Variants in RHOU observed in about 807,000 individuals in gnomAD.
The protein encoded by RHOU is rho-related GTP-binding protein RhoU.
RHOU carries 8 observed loss-of-function variants against 12.6 expected under a neutral mutation model. That is an observed-to-expected ratio of 0.64 (90% confidence interval 0.37 to 1.15). The LOEUF (loss-of-function observed/expected upper bound fraction) is 1.15. RHOU is among the 50% of genes most tolerant of loss of function. The pLI is 0.01. For synonymous variants in RHOU, 161 were observed against 147.4 expected, an observed-to-expected ratio of 1.09 and a Z score of -0.67; for missense variants, 258 against 347.0, an observed-to-expected ratio of 0.74 and a Z score of 2.04.
At chr1:228,690,224 C>T in the RHOU span, among the ~76,000 whole-genome samples, 2 of 151,800 alleles carry the variant, frequency 1.3e-5, no homozygotes, top group Non-Finnish European at 2.9e-5. Context: ...TATTAAAAAG[C>T]TTTAGAGAAG....
the RHOU span, among the ~76,000 whole-genome samples, chr1:228,689,710 T>C: frequency 6.6e-6 from 1 of 151,738 alleles, no homozygotes; most frequent in South Asian, 2.1e-4. Context: ...TATTGTGAAC[T>C]GTGCATGTGA....
chr1:228,659,251 G>T, the RHOU span, among the ~76,000 whole-genome samples: 1 of 152,010 alleles, frequency 6.6e-6, no homozygotes. Flanking sequence ...GGTGGCAGGT[G>T]CCTGTAATCC....
At chr1:228,729,573 G>C in the RHOU span, among the ~76,000 whole-genome samples, 1 of 152,152 alleles carries the variant, frequency 6.6e-6, no homozygotes, top group Non-Finnish European at 1.5e-5. Flanking sequence ...CAAGATGCAA[G>C]AAGACTGCAT....
At chr1:228,672,102 C>A in the RHOU span, among the ~76,000 whole-genome samples, 1 of 152,206 alleles carries the variant, frequency 6.6e-6, no homozygotes, top group South Asian at 2.1e-4. Context: ...GCCAAACATT[C>A]TTCTAGAAAA....
At chr1:228,659,809 C>A in the RHOU span, among the ~76,000 whole-genome samples, 3 of 151,432 alleles carry the variant, frequency 2.0e-5, no homozygotes, top group East Asian at 1.9e-4. Context: ...CATGGTGAAA[C>A]CATCTCTACT....
rs775376428 is a variant in RHOU at position 228,743,250 on chromosome 1, A to G, written c.322-35A>G. 1.3e-6 allele frequency: 2 copies of G among 1,578,890 alleles called. No homozygotes were observed. Among genetic ancestry groups the G allele is most frequent in the East Asian group, 2.2e-5 (1 of 44,494 alleles). ...ATCTTTTTACTGATGAGAATTCATG[A>G]AAACATAACTTTTGGGTACTTTGCT... On this transcript the variant is annotated intron_variant, in intron 2 of 2. Transcript: ENST00000366691. This position sits in a 1 kb window ranked among gnomAD's most constrained non-coding sequence, Gnocchi z 5.1.
chr1:228,663,224 T>C, the RHOU span, among the ~76,000 whole-genome samples: 1 of 152,256 alleles, frequency 6.6e-6, no homozygotes, highest in Non-Finnish European at 1.5e-5. Flanking sequence ...CAGAGTTGAA[T>C]AGTCTGGACA....
In RHOU at chr1:228,735,572, C is replaced by T; in HGVS notation, c.-171C>T. 2.5e-6 allele frequency: 1 copy of T among 400,678 alleles called. No individual in the cohort carries two copies. The highest frequency in any genetic ancestry group is 2.1e-5 in the African/African-American group (1 of 47,140). 24.8% of individuals were successfully genotyped at this position (400,678 alleles called of 1,614,324 possible). ...GCCGGAGCGCGGAGCCACGACCCTCCCTGGCCGCCTTTGTCTACTGGCCGT... is the reference window on the plus strand; with the variant it reads ...GCCGGAGCGCGGAGCCACGACCCTCTCTGGCCGCCTTTGTCTACTGGCCGT... On this transcript the variant is annotated 5_prime_UTR_variant, in exon 1 of 3. Transcript: ENST00000366691. The surrounding 1 kb of genome is among the most constrained non-coding windows in gnomAD (Gnocchi z 8.1).
the RHOU span, among the ~76,000 whole-genome samples, chr1:228,701,103 T>C: frequency 1.3e-5 from 2 of 152,038 alleles, no homozygotes; most frequent in Non-Finnish European, 2.9e-5. Flanking sequence ...AAAATTAAAA[T>C]ATATTAAGTA....
the RHOU span, among the ~76,000 whole-genome samples, chr1:228,666,116 C>G: frequency 5.3e-5 from 8 of 151,926 alleles, no homozygotes; most frequent in African/African-American, 1.7e-4. Flanking sequence ...CACCACCATG[C>G]CTGGCTAATT....
the RHOU span, among the ~76,000 whole-genome samples, chr1:228,661,406 A>G: frequency 6.6e-6 from 1 of 152,222 alleles, no homozygotes; most frequent in Admixed American, 6.5e-5. Context: ...AGCTGGAGGC[A>G]TCACGCTACC....
upstream of RHOU, among the ~76,000 whole-genome samples, chr1:228,732,667 C>T (rs1447092248): frequency 1.3e-5 from 2 of 151,644 alleles, no homozygotes; most frequent in Non-Finnish European, 2.9e-5. Context: ...TCCAGAAAAA[C>T]GGGCCCAAAT....
chr1:228,662,498 G>A, the RHOU span, among the ~76,000 whole-genome samples: 21 of 152,146 alleles, frequency 1.4e-4, no homozygotes, highest in Non-Finnish European at 2.6e-4. Flanking sequence ...ATACTATGCT[G>A]CCACAAAAAA....
the RHOU span, among the ~76,000 whole-genome samples, chr1:228,680,866 T>C: frequency 6.6e-6 from 1 of 152,174 alleles, no homozygotes; most frequent in African/African-American, 2.4e-5. Flanking sequence ...CAAGAAACCA[T>C]GTAATTTCGC....
chr1:228,675,149 T>C, the RHOU span, among the ~76,000 whole-genome samples: 2 of 152,196 alleles, frequency 1.3e-5, no homozygotes, highest in Non-Finnish European at 2.9e-5. Flanking sequence ...TTCCTCCTTA[T>C]TGATATGAAA....
chr1:228,660,444 G>A, the RHOU span, among the ~76,000 whole-genome samples: 1 of 151,310 alleles, frequency 6.6e-6, no homozygotes, highest in African/African-American at 2.4e-5. Flanking sequence ...AAAACTTGAA[G>A]AGGAGGGAGT....
At position 228,743,640 on chromosome 1, in the gene RHOU, C is replaced by T. The variant is rs751348972; in HGVS notation, c.677C>T (p.Ser226Leu). The change falls in exon 3 of 3, where the codon TCG becomes TTG. Residue 226 changes from serine to leucine, a missense_variant. Physicochemically the swap from Ser to Leu is moderately radical, Grantham distance 145. Coordinates refer to ENST00000366691, the MANE Select transcript of RHOU (RefSeq NM_021205.6). The surrounding 1 kb of genome is among the most constrained non-coding windows in gnomAD (Gnocchi z 5.1). The part of the protein sequence containing the change: ...DAAIVAGIQY[S>L]DTQQQPKKSK... ...GCCATCGTCGCTGGCATTCAATACT[C>T]GGACACTCAGCAACAGCCAAAGAAG... The T allele has an allele frequency of 7.4e-6, 12 of 1,614,140 alleles. No individual in the cohort carries two copies. Among genetic ancestry groups the T allele is most frequent in the East Asian group, 4.5e-5 (2 of 44,882 alleles).
the RHOU span, among the ~76,000 whole-genome samples, chr1:228,676,845 G>A: frequency 1.8e-4 from 28 of 152,120 alleles, no homozygotes; most frequent in Non-Finnish European, 2.4e-4. Context: ...GTTAGGGTGG[G>A]GCAGAAACAA....
chr1:228,722,631 T>C, the RHOU span, among the ~76,000 whole-genome samples: 7 of 151,610 alleles, frequency 4.6e-5, no homozygotes, highest in East Asian at 1.4e-3. Flanking sequence ...TGACCTCCTT[T>C]TTTTTTTTTT....
Sources: gnomAD v4.1 joint callset for allele counts (sites outside exome capture counted in the v4.1 genomes callset) on GRCh38, gnomAD v4.1.1 for gene constraint, Gnocchi (gnomAD v3.1) non-coding constraint, MANE v1.5 for transcripts, NCBI Gene and HGNC (gene_info 2026-07-23, HGNC 2026-07-21) for gene names.